Variants in PRRC2C observed in about 807,000 individuals in gnomAD.
PRRC2C encodes the protein proline rich coiled-coil 2C.
Under a neutral mutation model 317.2 loss-of-function variants are expected in PRRC2C, and 72 were observed. That is an observed-to-expected ratio of 0.23 (90% confidence interval 0.19 to 0.28). PRRC2C has a LOEUF of 0.28. Ranked by LOEUF, PRRC2C falls within the 10% of genes least tolerant of loss-of-function variation. PRRC2C has a pLI of 1.00. For synonymous variants in PRRC2C, 1,296 were observed against 1,205.9 expected (o/e 1.07, Z -1.55); for missense variants, 3,074 against 3,459.7 (o/e 0.89, Z 2.80).
intron 12 of PRRC2C, 68 bp from the exon 13 acceptor site, chr1:171,535,360 T>C (rs1676624686): frequency 7.1e-7 from 1 of 1,408,178 alleles, no homozygotes; most frequent in Non-Finnish European, 9.6e-7. Flanking sequence ...CCTCAGTCTT[T>C]GTAAAAATCC....
intron 1 of PRRC2C, among the ~76,000 whole-genome samples, chr1:171,497,981 ATTTT>A (rs60519098): frequency 0.7 from 90,878 of 130,464 alleles, 31,866 homozygotes; most frequent in South Asian, 0.82. Context: ...TACCCAGCTA[ATTTT>A]TTTTTTTTTT....
At chr1:171,559,608 G>A (rs562287342) in intron 19 of PRRC2C, among the ~76,000 whole-genome samples, 112 of 132,896 alleles carry the variant, frequency 8.4e-4, no homozygotes, top group African/African-American at 3.0e-3. Context: ...TGCAACCTCC[G>A]CCTCCCGGAT....
chr1:171,592,019 C>A lies in PRRC2C; in HGVS notation c.*172C>A. ...TTACACTGACACACAGCTGCTGTAC[C>A]AGTGAAAACGAGGCTTTGCAAGCTT... On this transcript the variant is annotated 3_prime_UTR_variant, in exon 35 of 35. Transcript: ENST00000647382. 1.2e-6 allele frequency: 1 copy of A among 816,084 alleles called. No homozygotes were observed. Among genetic ancestry groups the A allele is most frequent in the Non-Finnish European group, 1.9e-6 (1 of 531,776 alleles). 50.6% of individuals were successfully genotyped at this position (816,084 alleles called of 1,614,324 possible).
intron 1 of PRRC2C, chr1:171,511,090 T>C (rs763912117): frequency 6.6e-6 from 1 of 152,204 alleles, no homozygotes; most frequent in South Asian, 2.1e-4. Flanking sequence ...ATACCTATTC[T>C]ATACTATCTT....
chr1:171,591,457 A>T, intron 34 of PRRC2C, 130 bp from the exon 35 acceptor site: 1 of 992,878 alleles, frequency 1.0e-6, no homozygotes, highest in Non-Finnish European at 1.4e-6. Context: ...TCAATGAGGT[A>T]CTTTTGGCTT....
chr1:171,558,126 A>G lies in PRRC2C; in HGVS notation c.6014A>G (p.Asn2005Ser). The change falls in exon 19 of 35, where the codon AAT becomes AGT. Residue 2005 changes from asparagine to serine, a missense_variant. Physicochemically the swap from Asn to Ser is conservative, Grantham distance 46. This residue lies in a region of PRRC2C where 640 missense variants were observed against 676.1 expected (regional missense o/e 0.95). Coordinates refer to ENST00000647382, the MANE Select transcript of PRRC2C (RefSeq NM_001387844.1). ...AAGGTGGCCCCACCAGCTGTGCTGAATGATATCTCTAAGAAATGTAAGTTG... is the reference window on the plus strand; with the variant it reads ...AAGGTGGCCCCACCAGCTGTGCTGAGTGATATCTCTAAGAAATGTAAGTTG... ...DNKVAPPAVLNDISKKLGPIS... is the reference protein window; with the variant it reads ...DNKVAPPAVLSDISKKLGPIS... The G allele has an allele frequency of 6.2e-7, 1 of 1,611,616 alleles. No individual in the cohort carries two copies. Among genetic ancestry groups the G allele is most frequent in the Non-Finnish European group, 8.5e-7 (1 of 1,178,090 alleles).
At position 171,560,368 on chromosome 1, in the gene PRRC2C, A is replaced by G. The variant is rs189683764; in HGVS notation, c.6032-650A>G. Among the ~76,000 whole-genome samples, 5 of 149,582 alleles carry G rather than the reference A, an allele frequency of 3.3e-5. No individual in the cohort carries two copies. The East Asian group carries it at 6.0e-4, about 18-fold the overall frequency. ...GAAATGACAGCAAAGGATCTAGAAT[A>G]TTACATAAACTTAGTTGATTAAACA... On this transcript the variant is annotated intron_variant, in intron 19 of 34. Coordinates refer to ENST00000647382, the MANE Select transcript of PRRC2C (RefSeq NM_001387844.1).
chr1:171,591,446 A>G, intron 34 of PRRC2C, 141 bp from the exon 35 acceptor site: 1 of 909,840 alleles, frequency 1.1e-6, no homozygotes, highest in Non-Finnish European at 1.6e-6. Flanking sequence ...AAGCTCAAAG[A>G]TCAATGAGGT....
chr1:171,501,008 C>G (rs1169787069), intron 1 of PRRC2C, among the ~76,000 whole-genome samples: 1 of 152,204 alleles, frequency 6.6e-6, no homozygotes, highest in Admixed American at 6.5e-5. Context: ...CAGCAGTCCT[C>G]CCACCTCAGC....
chr1:171,496,983 G>A (rs368788196), intron 1 of PRRC2C, among the ~76,000 whole-genome samples: 1 of 151,996 alleles, frequency 6.6e-6, no homozygotes, highest in African/African-American at 2.4e-5. Flanking sequence ...TAGAGACAAG[G>A]TCTCTCCATG....
chr1:171,566,288 T>C lies in PRRC2C; in HGVS notation c.6173T>C (p.Phe2058Ser). 6.2e-7 allele frequency: 1 copy of C among 1,611,456 alleles called. No homozygotes were observed. The highest frequency in any genetic ancestry group is 8.5e-7 in the Non-Finnish European group (1 of 1,178,862). ...GLEIGTDTIQ[F>S]GAPASNGNEN... ...GAAATTGGAACTGACACAATTCAGT[T>C]TGGTGCTCCAGCCTCAAATGGAAAT... Residue 2058 changes from phenylalanine to serine, a missense_variant, in exon 21 of 35, where the codon TTT becomes TCT. Physicochemically the swap from Phe to Ser is radical, Grantham distance 155. This residue lies in a region of PRRC2C where 640 missense variants were observed against 676.1 expected (regional missense o/e 0.95). Transcript: ENST00000647382.
intron 34 of PRRC2C, 138 bp downstream of exon 34, chr1:171,589,743 C>A: frequency 2.3e-6 from 1 of 431,084 alleles, no homozygotes; most frequent in Non-Finnish European, 3.6e-6. Flanking sequence ...TTTATTCATT[C>A]CCCCTTTTTT....
chr1:171,497,594 C>T (rs1668359708), intron 1 of PRRC2C, among the ~76,000 whole-genome samples: 1 of 150,388 alleles, frequency 6.6e-6, no homozygotes, highest in Non-Finnish European at 1.5e-5. Flanking sequence ...GTCTCAGTCT[C>T]CTGAGCATCT....
chr1:171,520,797 C>CTTTT (rs61220175), intron 6 of PRRC2C, among the ~76,000 whole-genome samples: 323 of 109,300 alleles, frequency 3.0e-3, no homozygotes, highest in Middle Eastern at 6.0e-3. Flanking sequence ...ATTTCTTCTC[C>CTTTT]TTTTTTTTTT....
chr1:171,498,505 G>A (rs1317236645), intron 1 of PRRC2C, among the ~76,000 whole-genome samples: 1 of 152,130 alleles, frequency 6.6e-6, no homozygotes, highest in Non-Finnish European at 1.5e-5. Context: ...GTGTTGCATT[G>A]GGGGTTAAGT....
chr1:171,589,372 C>A lies in PRRC2C; in HGVS notation c.8203C>A (p.Leu2735Ile). The change falls in exon 34 of 35, where the codon CTC (leucine) becomes ATC (isoleucine). Residue 2735 changes from leucine to isoleucine, a missense_variant. By Grantham distance (5) the Leu-to-Ile change is conservative (BLOSUM62 2). Around this residue, in one of 11 missense-constraint regions of PRRC2C, gnomAD observed 490 missense variants for 663.1 expected, o/e 0.74. Transcript: ENST00000647382. ...PFPTQFAPQI[L>I]SQPNLVPPLV... Reference sequence around the variant, plus strand: ...ATGTTTTGTTTTTTTCACTCAGATTCTCTCCCAGCCTAACCTGGTCCCTCC... The same window carrying A: ...ATGTTTTGTTTTTTTCACTCAGATTATCTCCCAGCCTAACCTGGTCCCTCC... 6 of 1,226,158 alleles carry A rather than the reference C, an allele frequency of 4.9e-6. No individual in the cohort carries two copies. The highest frequency in any genetic ancestry group is 6.4e-6 in the Non-Finnish European group (6 of 942,790). The allele number at this position is 1,226,158 out of a possible 1,614,324, so 76.0% of individuals were successfully genotyped here.
At position 171,532,674 on chromosome 1, in the gene PRRC2C, G is replaced by T. The variant is rs983275711; in HGVS notation, c.1586G>T (p.Arg529Leu). 2 of 1,551,456 alleles carry T rather than the reference G, an allele frequency of 1.3e-6. No individual in the cohort carries two copies. Among genetic ancestry groups the T allele is most frequent in the Non-Finnish European group, 1.7e-6 (2 of 1,146,994 alleles). The part of the protein sequence containing the change: ...KELEKEQEQE[R>L]EKEREKDRER... ...CTTGAAAAAGAACAAGAACAGGAGC[G>T]AGAGAAGGAGAGGGAAAAAGACAGA... Residue 529 changes from arginine (R) to leucine (L), a missense_variant, in exon 12 of 35, where the codon CGA becomes CTA. Physicochemically the swap from Arg to Leu is moderately radical, Grantham distance 102. Transcript: ENST00000647382.
At chr1:171,548,947 A>G (rs1337052181) in intron 17 of PRRC2C, among the ~76,000 whole-genome samples, 1 of 151,768 alleles carries the variant, frequency 6.6e-6, no homozygotes, top group Non-Finnish European at 1.5e-5. Flanking sequence ...AACCTCCCCA[A>G]CTGAAGTGAT....
At chr1:171,502,953 C>G (rs1054965605) in intron 1 of PRRC2C, among the ~76,000 whole-genome samples, 2 of 152,156 alleles carry the variant, frequency 1.3e-5, no homozygotes, top group African/African-American at 4.8e-5. Context: ...AAACTCCTGA[C>G]CTCAAATGAT....
Sources: allele counts gnomAD v4.1 joint callset (sites outside exome capture counted in the v4.1 genomes callset), GRCh38; gene constraint gnomAD v4.1.1; regional missense constraint gnomAD v4.1.1; transcripts MANE v1.5; gene names NCBI Gene and HGNC (gene_info 2026-07-23, HGNC 2026-07-21).